The following USP30 variants were observed in gnomAD, a reference collection of about 807,000 sequenced individuals.
USP30 encodes the protein ubiquitin carboxyl-terminal hydrolase 30.
Under a neutral mutation model 68.2 loss-of-function variants are expected in USP30, and 41 were observed. That is an observed-to-expected ratio of 0.60 (90% CI 0.47 to 0.78). USP30 has a LOEUF of 0.78. USP30 is among the 30% of genes least tolerant of loss of function. The pLI is 0.00. For missense variants in USP30, 522 were observed against 649.4 expected (o/e 0.80, Z 2.13); for synonymous variants, 229 against 253.7 (o/e 0.90, Z 0.93).
chr12:109,034,581 A>G (rs867191687), intron 3 of USP30, among the ~76,000 whole-genome samples: 10 of 152,150 alleles, frequency 6.6e-5, no homozygotes, highest in South Asian at 2.1e-4. Context: ...AGAAAGAAAG[A>G]GAGAAAATGC....
intron 2 of USP30, 96 bp from the exon 3 acceptor site, chr12:109,057,830 T>A: frequency 7.3e-7 from 1 of 1,376,588 alleles, no homozygotes; most frequent in Non-Finnish European, 9.9e-7. Flanking sequence ...GGATTCCAAA[T>A]TTAAGGCCAC....
At chr12:109,066,866 C>T (rs2041270093) in intron 3 of USP30, among the ~76,000 whole-genome samples, 1 of 151,914 alleles carries the variant, frequency 6.6e-6, no homozygotes, top group Non-Finnish European at 1.5e-5. Context: ...GTTAAAGGGC[C>T]CTCCCAACCT....
intron 1 of USP30, among the ~76,000 whole-genome samples, chr12:109,055,401 T>TACATATATATATATA (rs61062424): frequency 3.4e-5 from 1 of 29,636 alleles, no homozygotes; most frequent in Admixed American, 5.0e-4. Flanking sequence ...TATATATATA[T>TACATATATATATATA]TTTTTTTTTT....
At chr12:109,079,344 T>TTTTTC in intron 7 of USP30, among the ~76,000 whole-genome samples, 1 of 129,712 alleles carries the variant, frequency 7.7e-6, no homozygotes, top group East Asian at 2.0e-4. Flanking sequence ...TTTTTCTTTT[T>TTTTTC]TTTTTTCTTT....
At chr12:109,023,818 A>G (rs936238387) in intron 1 of USP30, among the ~76,000 whole-genome samples, 1 of 151,168 alleles carries the variant, frequency 6.6e-6, no homozygotes, top group Non-Finnish European at 1.5e-5. Context: ...TATTTCTAGT[A>G]GAGACGGGGT....
chr12:109,068,050 A>C (rs184389449), intron 4 of USP30, among the ~76,000 whole-genome samples: 1 of 152,300 alleles, frequency 6.6e-6, no homozygotes, highest in East Asian at 1.9e-4. Context: ...AGTAGCCCGA[A>C]ACCTCAAGCA....
At chr12:109,055,400 A>ACATATATATATATATATATATATT (rs1555257267) in intron 1 of USP30, among the ~76,000 whole-genome samples, 1 of 24,468 alleles carries the variant, frequency 4.1e-5, no homozygotes, top group Non-Finnish European at 8.7e-5. Context: ...ATATATATAT[A>ACATATATATATATATATATATATT]TTTTTTTTTT....
chr12:109,077,581 C>G (rs1395499359), intron 7 of USP30, among the ~76,000 whole-genome samples: 1 of 152,056 alleles, frequency 6.6e-6, no homozygotes, highest in Non-Finnish European at 1.5e-5. Flanking sequence ...TATAATGGGT[C>G]TTGCTTTTTT....
upstream of USP30, among the ~76,000 whole-genome samples, chr12:109,050,418 T>C (rs1397029177): frequency 6.6e-6 from 1 of 152,210 alleles, no homozygotes; most frequent in East Asian, 1.9e-4. Context: ...CCTCAATCCT[T>C]TTTAAGCGTA....
At chr12:109,066,634 G>A (rs2041260523) in intron 3 of USP30, among the ~76,000 whole-genome samples, 1 of 152,136 alleles carries the variant, frequency 6.6e-6, no homozygotes, top group African/African-American at 2.4e-5. Context: ...GCAGTGAGCT[G>A]AGATCACGCC....
chr12:109,045,535 G>A (rs1394236344), intron 3 of USP30, among the ~76,000 whole-genome samples: 2 of 152,216 alleles, frequency 1.3e-5, no homozygotes, highest in Admixed American at 6.5e-5. Flanking sequence ...ACACAGACCC[G>A]CCTGCCATAC....
intron 7 of USP30, among the ~76,000 whole-genome samples, chr12:109,078,253 G>A (rs1318098151): frequency 2.0e-5 from 3 of 151,920 alleles, no homozygotes; most frequent in African/African-American, 4.8e-5. Flanking sequence ...GTGAAACCCC[G>A]TCTCTACTAA....
At chr12:109,061,923 GTTTT>G (rs1262808270) in intron 3 of USP30, among the ~76,000 whole-genome samples, 1 of 151,806 alleles carries the variant, frequency 6.6e-6, no homozygotes, top group Non-Finnish European at 1.5e-5. Flanking sequence ...TATATTGTAG[GTTTT>G]TTTGTTTTCT....
At chr12:109,047,399 T>A (rs77241135) in intron 3 of USP30, among the ~76,000 whole-genome samples, 5 of 152,188 alleles carry the variant, frequency 3.3e-5, no homozygotes, top group Non-Finnish European at 5.9e-5. Flanking sequence ...TCTGACATGC[T>A]GTGTGAGGTG....
At chr12:109,083,424 T>C (rs1473569386) in intron 11 of USP30, among the ~76,000 whole-genome samples, 1 of 152,126 alleles carries the variant, frequency 6.6e-6, no homozygotes, top group Non-Finnish European at 1.5e-5. Context: ...AGAGGAAATG[T>C]AGGGAGGACA....
intron 1 of USP30, 46 bp from the exon 2 acceptor site, chr12:109,056,636 T>G: frequency 7.1e-7 from 1 of 1,414,596 alleles, no homozygotes; most frequent in Non-Finnish European, 9.8e-7. Context: ...ATATTTGCCT[T>G]TTGTGTTTGT....
intron 7 of USP30, among the ~76,000 whole-genome samples, chr12:109,077,693 C>T (rs1245992606): frequency 6.6e-6 from 1 of 152,062 alleles, no homozygotes; most frequent in Non-Finnish European, 1.5e-5. Context: ...CATTTGTTTT[C>T]TGTTTGTCTT....
chr12:109,060,513 GT>G, intron 3 of USP30, among the ~76,000 whole-genome samples: 1 of 151,674 alleles, frequency 6.6e-6, no homozygotes. Flanking sequence ...TTACTATCCT[GT>G]TTTTTTAGCC....
chr12:109,045,331 C>T (rs2040595635), intron 3 of USP30, among the ~76,000 whole-genome samples: 1 of 152,202 alleles, frequency 6.6e-6, no homozygotes, highest in African/African-American at 2.4e-5. Flanking sequence ...CCTATCCTCT[C>T]TTTAGCCCAT....
Sources: gnomAD v4.1 joint callset for allele counts (sites outside exome capture counted in the v4.1 genomes callset) on GRCh38, gnomAD v4.1.1 for gene constraint, MANE v1.5 for transcripts, NCBI Gene and HGNC (gene_info 2026-07-23, HGNC 2026-07-21) for gene names.